The following ATRX variants were observed in gnomAD, a reference collection of about 807,000 sequenced individuals.
ATRX encodes ATRX chromatin remodeler.
A neutral mutation model predicts 172.6 loss-of-function variants in ATRX; 12 were observed. The ratio of observed to expected loss-of-function variants is 0.07; its 90% CI spans 0.04 to 0.11. ATRX has a LOEUF of 0.11. Among genes scored for constraint, ATRX ranks in the 10% least tolerant of loss-of-function variants. The pLI is 1.00. For missense variants in ATRX, 1,368 were observed against 1,767.4 expected (o/e 0.77, Z 4.05); for synonymous variants, 674 against 594.7 (o/e 1.13, Z -1.94).
At chrX:77,585,583 C>CAA (rs781792876) in intron 27 of ATRX, among the ~76,000 whole-genome samples, 2 of 8,553 alleles carry the variant, frequency 2.3e-4, no homozygotes, top group Non-Finnish European at 4.3e-4. Context: ...CTCCCCCCAC[C>CAA]AAAAAAAAAA....
chrX:77,751,513 C>T (rs2075297671), intron 1 of ATRX, among the ~76,000 whole-genome samples: 2 of 111,645 alleles, frequency 1.8e-5, no homozygotes, highest in Admixed American at 1.9e-4. Context: ...TGTGGAAGCT[C>T]TTTAATTAGA....
intron 15 of ATRX, chrX:77,651,880 A>T (rs911325630): frequency 4.3e-5 from 17 of 392,040 alleles, no homozygotes; most frequent in Non-Finnish European, 7.0e-5. Flanking sequence ...TCTGTGGTAG[A>T]TTACAACATT....
chrX:77,749,548 C>G (rs1486757578), intron 1 of ATRX, among the ~76,000 whole-genome samples: 2 of 111,750 alleles, frequency 1.8e-5, no homozygotes, highest in African/African-American at 3.3e-5. Flanking sequence ...TTTCCCTAAT[C>G]AATAAAAATG....
rs925826852 is a variant in ATRX, at chrX:77,707,223, G to A, written c.134-8594C>T. On this transcript the variant is annotated intron_variant, in intron 2 of 34. Coordinates refer to ENST00000373344, the MANE Select transcript of ATRX (RefSeq NM_000489.6). ...CAAGGCTAAGGAGAGGGAAGATTGG[G>A]GAGTTAGTATGTGATGGGTACAGAG... Among the ~76,000 whole-genome samples the A allele has an allele frequency of 7.1e-5, 8 of 111,990 alleles. No homozygotes were observed. In the Admixed American group the frequency reaches 7.6e-4, roughly 11 times the overall value.
At chrX:77,707,392 T>G (rs782612738) in intron 2 of ATRX, among the ~76,000 whole-genome samples, 1 of 112,595 alleles carries the variant, frequency 8.9e-6, no homozygotes, top group Non-Finnish European at 1.9e-5. Context: ...AATAAAAAAT[T>G]TAGAATATAT....
chrX:77,672,846 G>C (rs1669787567), intron 10 of ATRX, among the ~76,000 whole-genome samples: 1 of 111,734 alleles, frequency 8.9e-6, no homozygotes, highest in Admixed American at 9.6e-5. Context: ...AAAGTTGTCA[G>C]GGAGAAAGAA....
intron 32 of ATRX, 62 bp downstream of exon 32, chrX:77,522,201 C>T (rs1341668696): frequency 8.4e-7 from 1 of 1,194,350 alleles, no homozygotes; most frequent in South Asian, 1.8e-5. Context: ...GAACCCTCAA[C>T]AACAAGGCAC....
chrX:77,785,305 G>A (rs1314789326), intron 1 of ATRX, among the ~76,000 whole-genome samples: 1 of 111,035 alleles, frequency 9.0e-6, no homozygotes, highest in Non-Finnish European at 1.9e-5. Context: ...ATCACAAAAA[G>A]TAGTATACTA....
At chrX:77,650,212 G>A (rs1490852835) in intron 15 of ATRX, among the ~76,000 whole-genome samples, 2 of 111,856 alleles carry the variant, frequency 1.8e-5, no homozygotes, top group East Asian at 5.6e-4. Flanking sequence ...TAGAGGAGCT[G>A]TACCACAAAA....
At chrX:77,518,378 G>T (rs979496862) in intron 34 of ATRX, among the ~76,000 whole-genome samples, 2 of 111,634 alleles carry the variant, frequency 1.8e-5, no homozygotes, top group African/African-American at 3.3e-5. Flanking sequence ...ATCTGAAAAA[G>T]AAATTGAGAA....
At chrX:77,554,495 G>A (rs1268657843) in intron 30 of ATRX, among the ~76,000 whole-genome samples, 5 of 110,823 alleles carry the variant, frequency 4.5e-5, no homozygotes, top group African/African-American at 1.6e-4. Flanking sequence ...ATTTTAAAGC[G>A]CAATGCCTCC....
rs782656844 is a variant in ATRX at position 77,599,850 on chromosome X, A to G, written c.5698-30T>C. On this transcript the variant is annotated intron_variant, in intron 23 of 34. Transcript: ENST00000373344. ...AGAAAAAAAAATGACCACTATTTTA[A>G]TAGAATATCTCAACTTACACTGGAA... 163 of 1,058,408 alleles carry G rather than the reference A, an allele frequency of 1.5e-4. 1 individual carries two copies. In the South Asian group the frequency reaches 2.9e-3, roughly 19 times the overall value. The allele number at this position is 1,058,408 out of a possible 1,213,427, so 87.2% of individuals were successfully genotyped here. A position where few individuals can be genotyped will look rare whatever the true frequency, so the allele number is the denominator to read the frequency against.
chrX:77,677,427 T>A (rs2070937015), intron 9 of ATRX, among the ~76,000 whole-genome samples: 1 of 111,727 alleles, frequency 9.0e-6, no homozygotes, highest in Non-Finnish European at 1.9e-5. Context: ...GACAGCAGTA[T>A]CACAAGGGAG....
intron 9 of ATRX, among the ~76,000 whole-genome samples, chrX:77,681,234 G>A (rs1327681350): frequency 9.0e-6 from 1 of 111,490 alleles, no homozygotes; most frequent in African/African-American, 3.3e-5. Flanking sequence ...TTTTCCTTCT[G>A]CTCATTACTC....
chrX:77,555,672 G>A (rs2064749334), intron 30 of ATRX, among the ~76,000 whole-genome samples: 2 of 110,222 alleles, frequency 1.8e-5, no homozygotes, highest in Admixed American at 1.9e-4. Context: ...ATATGGACAT[G>A]GGGAGGGTTA....
chrX:77,667,340 T>C (rs782302443), intron 10 of ATRX, among the ~76,000 whole-genome samples: 1 of 93,990 alleles, frequency 1.1e-5, no homozygotes, highest in South Asian at 4.7e-4. Context: ...TGTGTGTGTG[T>C]GTATAAAATA....
chrX:77,604,509 C>T (rs782073643), intron 22 of ATRX, among the ~76,000 whole-genome samples: 4 of 111,527 alleles, frequency 3.6e-5, no homozygotes, highest in South Asian at 7.4e-4. Flanking sequence ...GGCAAAGATG[C>T]GGAGGAAAGA....
At chrX:77,696,739 T>C (rs782702894) in intron 4 of ATRX, 35 bp from the exon 5 acceptor site, 1 of 1,170,528 alleles carries the variant, frequency 8.5e-7, no homozygotes, top group Non-Finnish European at 1.2e-6. Context: ...ATTATGAATG[T>C]TTCTGACAAC....
intron 1 of ATRX, among the ~76,000 whole-genome samples, chrX:77,778,121 T>A (rs2148968512): frequency 9.8e-6 from 1 of 101,732 alleles, no homozygotes. Flanking sequence ...AGAGTGAGAC[T>A]CTGTCTCAAA....
Sources: gnomAD v4.1 joint callset for allele counts (sites outside exome capture counted in the v4.1 genomes callset) on GRCh38, gnomAD v4.1.1 for gene constraint, MANE v1.5 for transcripts, NCBI Gene and HGNC (gene_info 2026-07-23, HGNC 2026-07-21) for gene names.